The following TNFRSF1B variants were observed in gnomAD, a reference collection of about 807,000 sequenced individuals.
The protein encoded by TNFRSF1B is tumor necrosis factor receptor superfamily member 1B.
TNFRSF1B carries 19 observed loss-of-function variants against 44.6 expected under a neutral mutation model. The observed-to-expected ratio is 0.43, with a 90% CI of 0.30 to 0.62. The LOEUF (loss-of-function observed/expected upper bound fraction) is 0.62, where lower values mean the gene tolerates loss of function less well. TNFRSF1B is among the 20% of genes least tolerant of loss of function. The pLI is 0.16. For missense variants in TNFRSF1B, 541 were observed against 619.9 expected, an observed-to-expected ratio of 0.87 and a Z score of 1.35; for synonymous variants, 252 against 261.1, an observed-to-expected ratio of 0.97 and a Z score of 0.34.
intron 1 of TNFRSF1B, among the ~76,000 whole-genome samples, chr1:12,174,154 T>TCTTCTTCTTCTTCTCCTTCTC (rs1638588861): frequency 4.1e-5 from 3 of 73,996 alleles, no homozygotes; most frequent in Non-Finnish European, 7.9e-5. Flanking sequence ...TTCTTCTTCT[T>TCTTCTTCTTCTTCTCCTTCTC]CTTCTTCTTC....
In TNFRSF1B at chr1:12,206,965, C is replaced by T. The variant is rs767798835; in HGVS notation, c.1331C>T (p.Thr444Ile). Residue 444 changes from threonine (T) to isoleucine (I), a missense_variant, in exon 10 of 10, where the codon ACC (threonine) becomes ATC (isoleucine). Coordinates refer to ENST00000376259, the MANE Select transcript of TNFRSF1B (RefSeq NM_001066.3). ...LETPETLLGS[T>I]EEKPLPLGVP... The stretch of plus-strand genomic sequence containing the variant: ...ACGCCAGAGACCCTGCTGGGGAGCA[C>T]CGAAGAGAAGCCCCTGCCCCTTGGA... 1 of 1,611,374 alleles carries T rather than the reference C, an allele frequency of 6.2e-7. No individual in the cohort carries two copies. The highest frequency in any genetic ancestry group is 2.2e-5 in the East Asian group (1 of 44,772).
At position 12,171,797 on chromosome 1, in the gene TNFRSF1B, G is replaced by A. The variant is rs531720150; in HGVS notation, c.78+4628G>A. Reference sequence around the variant, plus strand: ...AAAATATCTCCAGATATTGCTAAGTGTCCTTTGGGGTTGGGGGATTGCCCC... The same window carrying A: ...AAAATATCTCCAGATATTGCTAAGTATCCTTTGGGGTTGGGGGATTGCCCC... On this transcript the variant is annotated intron_variant, in intron 1 of 9. Coordinates refer to ENST00000376259, the MANE Select transcript of TNFRSF1B (RefSeq NM_001066.3). This position sits in a 1 kb window ranked among gnomAD's most constrained non-coding sequence, Gnocchi z 4.5. Among the ~76,000 whole-genome samples, 2 of 152,318 alleles carry A rather than the reference G, an allele frequency of 1.3e-5. No homozygotes were observed. The highest frequency in any genetic ancestry group is 1.5e-5 in the Non-Finnish European group (1 of 68,028).
intron 9 of TNFRSF1B, among the ~76,000 whole-genome samples, chr1:12,204,203 C>T (rs1019772129): frequency 5.9e-5 from 9 of 152,166 alleles, no homozygotes; most frequent in Admixed American, 5.2e-4. Context: ...CCCTCCCACC[C>T]CTAACACCTC....
rs1638570451 is a variant in TNFRSF1B, at chr1:12,173,702, A to AT, written c.78+6534dup. Among the ~76,000 whole-genome samples the AT allele has an allele frequency of 2.0e-5, 3 of 152,298 alleles. No homozygotes were observed. The South Asian group carries it at 6.2e-4, about 32-fold the overall frequency. Reference sequence around the variant, plus strand: ...TGGAAGAAGCCCTTTGTCGCTGGTAATGGGTGCAGGCTGCTCTGACCCGGT... The same window carrying AT: ...TGGAAGAAGCCCTTTGTCGCTGGTAATTGGGTGCAGGCTGCTCTGACCCGGT... On this transcript the variant is annotated intron_variant, in intron 1 of 9. Coordinates refer to ENST00000376259, the MANE Select transcript of TNFRSF1B (RefSeq NM_001066.3).
At chr1:12,192,612 A>C in intron 5 of TNFRSF1B, 88 bp downstream of exon 5, 4 of 1,312,996 alleles carry the variant, frequency 3.0e-6, no homozygotes, top group Middle Eastern at 2.4e-4. Flanking sequence ...CAGCTCACCA[A>C]CCACCATTGT....
At chr1:12,185,075 G>A (rs150325169) in intron 1 of TNFRSF1B, among the ~76,000 whole-genome samples, 2 of 152,284 alleles carry the variant, frequency 1.3e-5, no homozygotes, top group East Asian at 3.9e-4. Context: ...GTTTGCCGAG[G>A]GCCAGGAAGA....
At chr1:12,175,573 C>T (rs570876261) in intron 1 of TNFRSF1B, among the ~76,000 whole-genome samples, 34 of 152,238 alleles carry the variant, frequency 2.2e-4, no homozygotes, top group African/African-American at 4.8e-4. Context: ...CACAGAGGCC[C>T]CAGGCTCCTG....
rs1638990830 is a variant in TNFRSF1B at position 12,186,515 on chromosome 1, C to T, written c.79-2281C>T. Among the ~76,000 whole-genome samples the T allele has an allele frequency of 6.6e-6, 1 of 152,206 alleles. No homozygotes were observed. The highest frequency in any genetic ancestry group is 1.5e-5 in the Non-Finnish European group (1 of 68,036). On this transcript the variant is annotated intron_variant, in intron 1 of 9. Transcript: ENST00000376259. This position sits in a 1 kb window ranked among gnomAD's most constrained non-coding sequence, Gnocchi z 4.8. ...GGTTTGTTAAATATTTTTAGTATCT[C>T]CCCTGCTCCTATATGTTAGGTACTG...
rs1363479913 is a variant in TNFRSF1B, at chr1:12,168,535, T to G, written c.78+1366T>G. ...TGGGGTCATGCCATATACTCTGGCCTCAGAGGGGGTCTTCCTGCCGCTGAG... is the reference window on the plus strand; with the variant it reads ...TGGGGTCATGCCATATACTCTGGCCGCAGAGGGGGTCTTCCTGCCGCTGAG... On this transcript the variant is annotated intron_variant, in intron 1 of 9. Coordinates refer to ENST00000376259, the MANE Select transcript of TNFRSF1B (RefSeq NM_001066.3). This position sits in a 1 kb window ranked among gnomAD's most constrained non-coding sequence, Gnocchi z 4.7. 6.6e-6 allele frequency among the ~76,000 whole-genome samples: 1 copy of G among 152,080 alleles called. No individual in the cohort carries two copies. The highest frequency in any genetic ancestry group is 1.5e-5 in the Non-Finnish European group (1 of 67,986).
At chr1:12,170,799 T>G (rs983801994) in intron 1 of TNFRSF1B, among the ~76,000 whole-genome samples, 3 of 151,864 alleles carry the variant, frequency 2.0e-5, no homozygotes, top group Non-Finnish European at 4.4e-5. Context: ...CCAGAGTAGC[T>G]GGGACTACAG....
chr1:12,181,352 G>A (rs563385015), intron 1 of TNFRSF1B, among the ~76,000 whole-genome samples: 50 of 152,224 alleles, frequency 3.3e-4, no homozygotes, highest in African/African-American at 1.2e-3. Flanking sequence ...CCCTTGCAGC[G>A]CCCCCATGGA....
chr1:12,203,649 A>G (rs1159095676), intron 9 of TNFRSF1B, among the ~76,000 whole-genome samples: 1 of 151,740 alleles, frequency 6.6e-6, no homozygotes, highest in African/African-American at 2.4e-5. Context: ...GGCCCTACAC[A>G]CTGTTGAATG....
rs192481314 is a variant in TNFRSF1B at position 12,171,695 on chromosome 1, C to G, written c.78+4526C>G. Among the ~76,000 whole-genome samples the G allele has an allele frequency of 9.9e-5, 15 of 152,262 alleles. No homozygotes were observed. In the East Asian group the frequency reaches 2.7e-3, roughly 27 times the overall value. On this transcript the variant is annotated intron_variant, in intron 1 of 9. Transcript: ENST00000376259. The surrounding 1 kb of genome is among the most constrained non-coding windows in gnomAD (Gnocchi z 4.5). ...TTAATTCTTTGTTGTGGGGCTGTCC[C>G]GTGAGCTGTAGGATGTTTAGCGACA...
chr1:12,189,790 C>T (rs939926366), intron 2 of TNFRSF1B, among the ~76,000 whole-genome samples: 3 of 152,200 alleles, frequency 2.0e-5, no homozygotes, highest in African/African-American at 4.8e-5. Context: ...TACTGTTTTA[C>T]ACAGGGTGGT....
chr1:12,189,016 C>T, intron 2 of TNFRSF1B, 121 bp downstream of exon 2: 5 of 787,204 alleles, frequency 6.4e-6, no homozygotes, highest in Non-Finnish European at 9.8e-6. Context: ...TGCACTGGCC[C>T]ATGCTCCCTG....
At position 12,207,029 on chromosome 1, in the gene TNFRSF1B, G is replaced by A. The variant is rs1230939269; in HGVS notation, c.*9G>A. The A allele has an allele frequency of 3.8e-6, 6 of 1,559,594 alleles. No homozygotes were observed. Among genetic ancestry groups the A allele is most frequent in the South Asian group, 1.2e-5 (1 of 84,540 alleles). Reference sequence around the variant, plus strand: ...GGATGAAGCCCAGTTAACCAGGCCGGTGTGGGCTGTGTCGTAGCCAAGGTG... The same window carrying A: ...GGATGAAGCCCAGTTAACCAGGCCGATGTGGGCTGTGTCGTAGCCAAGGTG... On this transcript the variant is annotated 3_prime_UTR_variant, in exon 10 of 10. Coordinates refer to ENST00000376259, the MANE Select transcript of TNFRSF1B (RefSeq NM_001066.3).
At chr1:12,203,990 G>T (rs754907364) in intron 9 of TNFRSF1B, among the ~76,000 whole-genome samples, 1 of 152,180 alleles carries the variant, frequency 6.6e-6, no homozygotes, top group Non-Finnish European at 1.5e-5. Flanking sequence ...TCGGCCTCCC[G>T]AAGGGCTGGG....
At chr1:12,204,790 TCAC>T (rs151248488) in intron 9 of TNFRSF1B, among the ~76,000 whole-genome samples, 23,904 of 150,930 alleles carry the variant, frequency 0.16, 2,329 homozygotes, top group Middle Eastern at 0.23. Context: ...CTTAAAAACA[TCAC>T]CACCACCACC....
intron 1 of TNFRSF1B, 107 bp from the exon 2 acceptor site, chr1:12,188,689 A>C: frequency 9.8e-7 from 1 of 1,022,300 alleles, no homozygotes; most frequent in Admixed American, 1.9e-5. Flanking sequence ...ATCAGTGCAG[A>C]CTGGCAGGGG....
Sources: gnomAD v4.1 joint callset for allele counts (sites outside exome capture counted in the v4.1 genomes callset) on GRCh38, gnomAD v4.1.1 for gene constraint, Gnocchi (gnomAD v3.1) non-coding constraint, MANE v1.5 for transcripts, NCBI Gene and HGNC (gene_info 2026-07-23, HGNC 2026-07-21) for gene names.